SNTG2: variants seen among roughly 807,000 people sequenced by gnomAD.
SNTG2 encodes the protein gamma-2-syntrophin.
SNTG2 carries 74 observed loss-of-function variants against 70.9 expected under a neutral mutation model. That is an observed-to-expected ratio of 1.04 (90% CI 0.86 to 1.27). SNTG2 has a LOEUF of 1.27. SNTG2 is among the 50% of genes most tolerant of loss of function. The probability of loss-of-function intolerance (pLI) is 0.00; values close to 1 mark genes in which losing one functional copy is unlikely to be tolerated. For missense variants in SNTG2, 717 were observed against 690.7 expected (o/e 1.04, Z -0.43); for synonymous variants, 278 against 273.8 (o/e 1.02, Z -0.15).
At chr2:1,011,501 T>C (rs79759525) in intron 1 of SNTG2, among the ~76,000 whole-genome samples, 26,415 of 152,188 alleles carry the variant, frequency 0.17, 2,672 homozygotes, top group Middle Eastern at 0.23. Context: ...TGATTCAGAT[T>C]TTTAAATCAT....
At chr2:1,061,845 G>C (rs1247448216) in intron 1 of SNTG2, among the ~76,000 whole-genome samples, 1 of 152,084 alleles carries the variant, frequency 6.6e-6, no homozygotes. Context: ...CTTTGGAATG[G>C]AGCAATATAA....
chr2:1,074,947 A>G (rs933237387), intron 1 of SNTG2, among the ~76,000 whole-genome samples: 2 of 152,212 alleles, frequency 1.3e-5, no homozygotes, highest in African/African-American at 4.8e-5. Flanking sequence ...ATCTAATTTA[A>G]TTATTATTTC....
At chr2:1,256,963 C>CT (rs67092515) in intron 12 of SNTG2, among the ~76,000 whole-genome samples, 9,708 of 90,082 alleles carry the variant, frequency 0.11, 395 homozygotes, top group Non-Finnish European at 0.13. Flanking sequence ...CCCACTTCTT[C>CT]TTTTTTTTTT....
intron 11 of SNTG2, among the ~76,000 whole-genome samples, chr2:1,240,038 T>G (rs1236998089): frequency 6.6e-6 from 1 of 152,216 alleles, no homozygotes; most frequent in Non-Finnish European, 1.5e-5. Context: ...CTATTGGCAG[T>G]TATGTTTTGT....
intron 14 of SNTG2, among the ~76,000 whole-genome samples, chr2:1,302,249 G>A (rs969157313): frequency 6.6e-6 from 1 of 152,058 alleles, no homozygotes; most frequent in Non-Finnish European, 1.5e-5. Flanking sequence ...GTGAGCCACC[G>A]CGCCCGGCCT....
chr2:1,237,810 G>C, intron 9 of SNTG2, 78 bp from the exon 10 acceptor site: 2 of 1,516,708 alleles, frequency 1.3e-6, no homozygotes, highest in Non-Finnish European at 1.8e-6. Context: ...GCCCTGCTGA[G>C]CATCAGCCTC....
chr2:1,367,245 C>A, intron 16 of SNTG2, 98 bp from the exon 17 acceptor site: 1 of 1,192,810 alleles, frequency 8.4e-7, no homozygotes, highest in Non-Finnish European at 1.1e-6. Flanking sequence ...TTTGGAGGGA[C>A]TTTCTTGGAG....
At chr2:955,541 T>G (rs1167416004) in intron 1 of SNTG2, among the ~76,000 whole-genome samples, 1 of 152,230 alleles carries the variant, frequency 6.6e-6, no homozygotes, top group Non-Finnish European at 1.5e-5. Flanking sequence ...TCACTGTAAT[T>G]ACTCCTACCT....
chr2:1,326,461 A>T (rs1681764156), intron 16 of SNTG2, among the ~76,000 whole-genome samples: 1 of 152,234 alleles, frequency 6.6e-6, no homozygotes, highest in African/African-American at 2.4e-5. Context: ...GAGAAATAAC[A>T]GTGATTCATT....
intron 1 of SNTG2, among the ~76,000 whole-genome samples, chr2:1,055,947 G>A (rs1163028900): frequency 1.3e-5 from 2 of 152,148 alleles, no homozygotes; most frequent in Non-Finnish European, 2.9e-5. Flanking sequence ...CTCACCAGCG[G>A]TATTTCCTGG....
In SNTG2 at chr2:1,169,978, G is replaced by A. The variant is rs182181436; in HGVS notation, c.500-3114G>A. 3.1e-3 allele frequency among the ~76,000 whole-genome samples: 467 copies of A among 152,056 alleles called. 3 individuals carry two copies. The highest frequency in any genetic ancestry group is 5.2e-3 in the Admixed American group (80 of 15,278). ...ATCTCTCTATAAATTCAGGCGAAAC[G>A]TCCTCTGCTGAATTCACACCGTGAA... On this transcript the variant is annotated intron_variant, in intron 7 of 16. Coordinates refer to ENST00000308624, the MANE Select transcript of SNTG2 (RefSeq NM_018968.4).
At chr2:1,078,419 A>G (rs981821409) in intron 1 of SNTG2, among the ~76,000 whole-genome samples, 9 of 152,158 alleles carry the variant, frequency 5.9e-5, no homozygotes, top group African/African-American at 9.7e-5. Context: ...ACCCCAGGAC[A>G]TGAGGATGCC....
At chr2:1,271,151 T>C (rs1432618676) in intron 14 of SNTG2, among the ~76,000 whole-genome samples, 4 of 152,172 alleles carry the variant, frequency 2.6e-5, no homozygotes, top group Non-Finnish European at 4.4e-5. Flanking sequence ...TCGTTCCAAG[T>C]TATCCAGAAT....
intron 8 of SNTG2, among the ~76,000 whole-genome samples, chr2:1,205,881 A>G (rs1464316340): frequency 3.3e-5 from 5 of 152,214 alleles, no homozygotes; most frequent in Admixed American, 2.6e-4. Flanking sequence ...TCAGTCACAT[A>G]TAAATGCTAC....
chr2:1,173,266 A>T, intron 8 of SNTG2, 83 bp downstream of exon 8: 1 of 1,215,782 alleles, frequency 8.2e-7, no homozygotes, highest in Admixed American at 1.8e-5. Flanking sequence ...AATTAAAAAG[A>T]TGCTGTACTG....
chr2:1,165,177 C>A (rs1670623018), intron 6 of SNTG2, among the ~76,000 whole-genome samples: 1 of 152,162 alleles, frequency 6.6e-6, no homozygotes, highest in Admixed American at 6.5e-5. Context: ...CACAGTTAAT[C>A]CATGTTTTGC....
At chr2:1,073,863 G>A (rs1663739798) in intron 1 of SNTG2, among the ~76,000 whole-genome samples, 1 of 152,174 alleles carries the variant, frequency 6.6e-6, no homozygotes, top group South Asian at 2.1e-4. Flanking sequence ...TATGTTAAAA[G>A]CGTGTCTCAG....
intron 14 of SNTG2, among the ~76,000 whole-genome samples, chr2:1,282,216 G>T (rs1287191560): frequency 6.6e-6 from 1 of 152,130 alleles, no homozygotes; most frequent in Admixed American, 6.5e-5. Flanking sequence ...CTTCCGCAGC[G>T]AAGTGAATTG....
At chr2:1,089,760 G>T (rs1022992881) in intron 2 of SNTG2, among the ~76,000 whole-genome samples, 1 of 152,196 alleles carries the variant, frequency 6.6e-6, no homozygotes, top group Non-Finnish European at 1.5e-5. Context: ...AAATCTAACA[G>T]CAAAGACAGT....
Sources: allele counts gnomAD v4.1 joint callset (sites outside exome capture counted in the v4.1 genomes callset), GRCh38; gene constraint gnomAD v4.1.1; transcripts MANE v1.5; gene names NCBI Gene and HGNC (gene_info 2026-07-23, HGNC 2026-07-21).